SOX5: variants seen among roughly 807,000 people sequenced by gnomAD.
The protein encoded by SOX5 is SRY-box transcription factor 5.
Under a neutral mutation model 92.0 loss-of-function variants are expected in SOX5, and 9 were observed. The ratio of observed to expected loss-of-function variants is 0.10; its 90% CI spans 0.06 to 0.17. SOX5 has a LOEUF of 0.17. SOX5 is among the 10% of genes least tolerant of loss of function. The pLI is 1.00. For synonymous variants in SOX5, 344 were observed against 336.3 expected, an observed-to-expected ratio of 1.02 and a Z score of -0.25; for missense variants, 642 against 944.5, an observed-to-expected ratio of 0.68 and a Z score of 4.20.
At chr12:23,871,379 A>G (rs1238712166) in intron 2 of SOX5, among the ~76,000 whole-genome samples, 2 of 152,188 alleles carry the variant, frequency 1.3e-5, no homozygotes, top group African/African-American at 4.8e-5. Flanking sequence ...TTCAATATCA[A>G]TTCAAGCTAC....
chr12:24,121,713 C>G (rs1372005730), intron 4 of SOX5, among the ~76,000 whole-genome samples: 1 of 149,686 alleles, frequency 6.7e-6, no homozygotes, highest in Admixed American at 6.6e-5. Context: ...ATGGTGAAAC[C>G]CCATCTCTAC....
intron 3 of SOX5, among the ~76,000 whole-genome samples, chr12:24,269,688 CTT>C (rs58098308): frequency 1.3e-4 from 15 of 116,702 alleles, no homozygotes; most frequent in African/African-American, 2.9e-4. Context: ...TATTTTTATT[CTT>C]TTTTTTTTTT....
chr12:24,404,198 A>G (rs1962409739), intron 1 of SOX5, among the ~76,000 whole-genome samples: 1 of 152,190 alleles, frequency 6.6e-6, no homozygotes, highest in African/African-American at 2.4e-5. Context: ...GCATGATTTA[A>G]ATATGTTGTT....
intron 4 of SOX5, among the ~76,000 whole-genome samples, chr12:23,989,218 C>CAAAAAAA (rs554892984): frequency 4.5e-3 from 470 of 104,298 alleles, no homozygotes; most frequent in Non-Finnish European, 5.6e-3. Flanking sequence ...GCCAAAAATA[C>CAAAAAAA]AAAAAAAAAA....
At chr12:23,987,331 C>A (rs1003183821) in intron 4 of SOX5, among the ~76,000 whole-genome samples, 1 of 152,158 alleles carries the variant, frequency 6.6e-6, no homozygotes, top group Non-Finnish European at 1.5e-5. Flanking sequence ...GAGGAGCCAG[C>A]CATACACAGA....
rs1008601622 is a variant in SOX5 at position 24,250,876 on chromosome 12, C to T, written c.-77+26340G>A. ...TTGAAAGGCACTTAACAGAGGCAGG[C>T]CCACAATTCTGTGTATTGTATACTG... On this transcript the variant is annotated intron_variant, in intron 3 of 4. Transcript: ENST00000446891. Among the ~76,000 whole-genome samples the T allele has an allele frequency of 5.9e-5, 9 of 152,252 alleles. No homozygotes were observed. In the East Asian group the frequency reaches 1.7e-3, roughly 29 times the overall value.
chr12:23,950,913 A>G (rs1945520039), upstream of SOX5: 1 of 1,533,742 alleles, frequency 6.5e-7, no homozygotes, highest in Non-Finnish European at 8.7e-7. Flanking sequence ...GCACCGCAGC[A>G]TCTGGTCAGG....
intron 2 of SOX5, among the ~76,000 whole-genome samples, chr12:24,297,196 A>G (rs1947368970): frequency 1.3e-5 from 2 of 152,206 alleles, no homozygotes; most frequent in Admixed American, 1.3e-4. Flanking sequence ...TAATTCGGTG[A>G]AAATTTTGAA....
At chr12:24,559,942 A>C (rs1465273757) in intron 1 of SOX5, among the ~76,000 whole-genome samples, 1 of 152,202 alleles carries the variant, frequency 6.6e-6, no homozygotes, top group Admixed American at 6.5e-5. Context: ...TTCTATATAC[A>C]ACATGCCATT....
intron 3 of SOX5, among the ~76,000 whole-genome samples, chr12:24,248,654 AGATTACGG>A (rs1484012668): frequency 6.6e-6 from 1 of 152,102 alleles, no homozygotes; most frequent in African/African-American, 2.4e-5. Context: ...CAAAGTGCTG[AGATTACGG>A]GTGTAAGTCA....
intron 3 of SOX5, among the ~76,000 whole-genome samples, chr12:24,265,740 A>G (rs1942912265): frequency 1.3e-5 from 2 of 152,160 alleles, no homozygotes; most frequent in South Asian, 4.1e-4. Context: ...AGTGTTATCT[A>G]TACACTCTTG....
intron 4 of SOX5, among the ~76,000 whole-genome samples, chr12:24,114,573 C>CAAAAAAAAAAAAA (rs55913110): frequency 5.4e-4 from 22 of 40,594 alleles, no homozygotes; most frequent in African/African-American, 1.7e-3. Context: ...CACCCCGTCA[C>CAAAAAAAAAAAAA]AAAAAAAAAA....
chr12:24,208,782 G>C (rs1008151338), intron 4 of SOX5, among the ~76,000 whole-genome samples: 1 of 152,200 alleles, frequency 6.6e-6, no homozygotes, highest in Non-Finnish European at 1.5e-5. Context: ...ACTTCCAAGT[G>C]AAAAGCAGAG....
At chr12:24,195,741 A>G (rs1956950845) in intron 4 of SOX5, among the ~76,000 whole-genome samples, 1 of 152,260 alleles carries the variant, frequency 6.6e-6, no homozygotes, top group African/African-American at 2.4e-5. Flanking sequence ...TGAAAAGTCT[A>G]TAAATCCTAA....
intron 9 of SOX5, among the ~76,000 whole-genome samples, chr12:23,577,148 T>TATAC (rs1555172296): frequency 8.9e-6 from 1 of 112,284 alleles, no homozygotes; most frequent in Non-Finnish European, 1.9e-5. Flanking sequence ...TATATATATA[T>TATAC]ATACACACAC....
At chr12:24,014,166 C>A (rs755339783) in intron 4 of SOX5, among the ~76,000 whole-genome samples, 14 of 152,172 alleles carry the variant, frequency 9.2e-5, no homozygotes, top group Non-Finnish European at 1.6e-4. Context: ...TTCCACAGGG[C>A]ATTTTAAAAT....
chr12:24,505,565 C>T (rs1948635951), intron 1 of SOX5, among the ~76,000 whole-genome samples: 1 of 152,136 alleles, frequency 6.6e-6, no homozygotes, highest in African/African-American at 2.4e-5. Context: ...CCAGAGAAAA[C>T]ACAGGTGCTC....
chr12:23,893,253 C>A (rs1480599142), intron 2 of SOX5, among the ~76,000 whole-genome samples: 1 of 152,160 alleles, frequency 6.6e-6, no homozygotes, highest in Non-Finnish European at 1.5e-5. Flanking sequence ...CGAGACCATC[C>A]TGGCCAACAT....
intron 4 of SOX5, among the ~76,000 whole-genome samples, chr12:24,004,648 C>G (rs1000077335): frequency 6.6e-6 from 1 of 152,070 alleles, no homozygotes; most frequent in Non-Finnish European, 1.5e-5. Context: ...GGGAAACCAG[C>G]GCCTGCATAT....
Sources: allele counts gnomAD v4.1 joint callset (sites outside exome capture counted in the v4.1 genomes callset), GRCh38; gene constraint gnomAD v4.1.1; transcripts MANE v1.5; gene names NCBI Gene and HGNC (gene_info 2026-07-23, HGNC 2026-07-21).